COL24A1: variants seen among roughly 807,000 people sequenced by gnomAD.
COL24A1 encodes the protein collagen alpha-1(XXIV) chain.
COL24A1 carries 224 observed loss-of-function variants against 253.9 expected under a neutral mutation model. The observed-to-expected ratio is 0.88, with a 90% CI of 0.79 to 0.99. The LOEUF (loss-of-function observed/expected upper bound fraction) is 0.99. Among genes scored for constraint, COL24A1 ranks in the 50% least tolerant of loss-of-function variants. The pLI is 0.00. For synonymous variants in COL24A1, 685 were observed against 673.7 expected (o/e 1.02, Z -0.26); for missense variants, 2,131 against 2,068.5 (o/e 1.03, Z -0.59).
At chr1:85,739,325 G>A (rs1456148699) in intron 57 of COL24A1, among the ~76,000 whole-genome samples, 3 of 152,092 alleles carry the variant, frequency 2.0e-5, no homozygotes, top group Non-Finnish European at 4.4e-5. Context: ...TTTGAATTCA[G>A]GTGTTATATT....
chr1:85,811,405 A>C (rs1480887576), intron 47 of COL24A1, among the ~76,000 whole-genome samples: 1 of 152,156 alleles, frequency 6.6e-6, no homozygotes, highest in South Asian at 2.1e-4. Flanking sequence ...AAATTTATTT[A>C]AAAAAATCTT....
chr1:86,060,659 C>T (rs1474673264), intron 8 of COL24A1, among the ~76,000 whole-genome samples: 1 of 151,928 alleles, frequency 6.6e-6, no homozygotes, highest in Non-Finnish European at 1.5e-5. Flanking sequence ...TTACTGAGCA[C>T]TTTTTATTTG....
intron 9 of COL24A1, 131 bp from the exon 10 acceptor site, chr1:86,058,106 T>C (rs781562328): frequency 2.4e-5 from 14 of 577,704 alleles, no homozygotes; most frequent in Non-Finnish European, 4.0e-5. Context: ...GTATAACTAA[T>C]GAAGATTACC....
intron 19 of COL24A1, among the ~76,000 whole-genome samples, chr1:86,003,958 C>A (rs1254158828): frequency 6.6e-6 from 1 of 152,116 alleles, no homozygotes; most frequent in Non-Finnish European, 1.5e-5. Flanking sequence ...CATTAGCCAG[C>A]CTTCATCTTT....
At chr1:85,770,076 C>T (rs1275501625) in intron 53 of COL24A1, among the ~76,000 whole-genome samples, 1 of 152,128 alleles carries the variant, frequency 6.6e-6, no homozygotes, top group Non-Finnish European at 1.5e-5. Context: ...TTTCCCTTCC[C>T]TCTTTCACTC....
At position 86,138,511 on chromosome 1, in the gene COL24A1, A is replaced by G. The variant is rs1016829169; in HGVS notation, c.121+7608T>C. Among the ~76,000 whole-genome samples the G allele has an allele frequency of 2.0e-5, 3 of 152,222 alleles. No individual in the cohort carries two copies. The East Asian group carries it at 5.8e-4, about 29-fold the overall frequency. On this transcript the variant is annotated intron_variant, in intron 2 of 59. Coordinates refer to ENST00000370571, the MANE Select transcript of COL24A1 (RefSeq NM_152890.7). ...TCCCATGTTTTTCTCGCAATAGTGAATGGGTTTCACTAGATCTGATGGTTT... is the reference window on the plus strand; with the variant it reads ...TCCCATGTTTTTCTCGCAATAGTGAGTGGGTTTCACTAGATCTGATGGTTT...
At chr1:86,059,985 T>C (rs1700960980) in intron 8 of COL24A1, among the ~76,000 whole-genome samples, 2 of 152,156 alleles carry the variant, frequency 1.3e-5, no homozygotes, top group South Asian at 4.1e-4. Flanking sequence ...TTCTGTTGTT[T>C]ATAAGCCACC....
chr1:85,837,491 C>T (rs939814210), intron 43 of COL24A1, among the ~76,000 whole-genome samples: 1 of 152,048 alleles, frequency 6.6e-6, no homozygotes, highest in Non-Finnish European at 1.5e-5. Context: ...AGAGATGTAT[C>T]AGATTAATTA....
chr1:85,871,782 T>G (rs1680528019), intron 35 of COL24A1, among the ~76,000 whole-genome samples: 1 of 152,134 alleles, frequency 6.6e-6, no homozygotes, highest in Non-Finnish European at 1.5e-5. Context: ...CTTTGAAAAC[T>G]GGCACAAGAC....
intron 55 of COL24A1, among the ~76,000 whole-genome samples, chr1:85,748,480 A>C (rs1390704169): frequency 6.6e-6 from 1 of 152,268 alleles, no homozygotes; most frequent in Non-Finnish European, 1.5e-5. Flanking sequence ...TAGGCAAGTT[A>C]AAAAATGAAA....
intron 14 of COL24A1, among the ~76,000 whole-genome samples, chr1:86,027,812 C>A (rs1318934835): frequency 1.3e-5 from 2 of 152,178 alleles, no homozygotes; most frequent in Non-Finnish European, 2.9e-5. Context: ...TTGCACCATT[C>A]ACCTGGAAAA....
intron 35 of COL24A1, among the ~76,000 whole-genome samples, chr1:85,871,743 C>T (rs1228305279): frequency 6.6e-6 from 1 of 152,088 alleles, no homozygotes; most frequent in African/African-American, 2.4e-5. Context: ...CAATATCATA[C>T]TGAATGGGCA....
In COL24A1 at chr1:86,125,450, T is replaced by C; in HGVS notation, c.886A>G (p.Asn296Asp). The C allele has an allele frequency of 6.2e-7, 1 of 1,613,656 alleles. No homozygotes were observed. The highest frequency in any genetic ancestry group is 2.2e-5 in the East Asian group (1 of 44,850). ...CTTTTATACACGGTTTCAGAATCAT[T>C]TTTTATGATATTTGGAATGCTTTTG... ...EGKSIPNIIK[N>D]DSETVYKRQE... is the part of the protein sequence containing the mutation. The change falls in exon 3 of 60, where the codon AAT becomes GAT. Residue 296 changes from asparagine to aspartate, a missense_variant. Coordinates refer to ENST00000370571, the MANE Select transcript of COL24A1 (RefSeq NM_152890.7).
chr1:85,765,522 C>T (rs1335887068), intron 53 of COL24A1, among the ~76,000 whole-genome samples: 1 of 145,168 alleles, frequency 6.9e-6, no homozygotes. Flanking sequence ...CTGGGCAACA[C>T]TGGGAGACAC....
At chr1:86,152,115 T>C (rs1202652655) in intron 1 of COL24A1, among the ~76,000 whole-genome samples, 2 of 152,188 alleles carry the variant, frequency 1.3e-5, no homozygotes, top group African/African-American at 2.4e-5. Context: ...ATCACAGCAG[T>C]GGACATAAAG....
At chr1:85,941,078 T>A (rs1230321119) in intron 24 of COL24A1, among the ~76,000 whole-genome samples, 3 of 152,218 alleles carry the variant, frequency 2.0e-5, no homozygotes. Flanking sequence ...ATTCTCTTGC[T>A]ATGACACTTG....
intron 25 of COL24A1, 88 bp downstream of exon 25, chr1:85,911,292 A>G (rs1367395269): frequency 3.0e-6 from 3 of 1,009,048 alleles, no homozygotes; most frequent in Non-Finnish European, 4.6e-6. Context: ...AGTGATTTCT[A>G]ATTAACATAA....
intron 35 of COL24A1, among the ~76,000 whole-genome samples, chr1:85,872,411 A>T (rs2102563013): frequency 6.6e-6 from 1 of 152,328 alleles, no homozygotes; most frequent in East Asian, 1.9e-4. Context: ...AAAAGAACAA[A>T]GCTGGAGGCA....
chr1:86,142,880 C>G (rs188781557), intron 2 of COL24A1, among the ~76,000 whole-genome samples: 1 of 151,828 alleles, frequency 6.6e-6, no homozygotes, highest in East Asian at 1.9e-4. Context: ...TCCAAAACAT[C>G]AAAGATAAAT....
Sources: gnomAD v4.1 joint callset for allele counts (sites outside exome capture counted in the v4.1 genomes callset) on GRCh38, gnomAD v4.1.1 for gene constraint, MANE v1.5 for transcripts, NCBI Gene and HGNC (gene_info 2026-07-23, HGNC 2026-07-21) for gene names.